Variants in EXOC4 observed in about 807,000 individuals in gnomAD.
The protein encoded by EXOC4 is SEC8-like 1.
EXOC4 carries 71 observed loss-of-function variants against 107.2 expected under a neutral mutation model. The ratio of observed to expected loss-of-function variants is 0.66; its 90% CI spans 0.55 to 0.81. The LOEUF is 0.81. Among genes scored for constraint, EXOC4 ranks in the 30% least tolerant of loss-of-function variants. The pLI, the probability that EXOC4 is intolerant of heterozygous loss-of-function variation, is 0.00. For synonymous variants in EXOC4, 456 were observed against 441.2 expected, an observed-to-expected ratio of 1.03 and a Z score of -0.42; for missense variants, 1,108 against 1,189.6, an observed-to-expected ratio of 0.93 and a Z score of 1.01.
chr7:133,832,403 A>T (rs757924829), intron 11 of EXOC4, among the ~76,000 whole-genome samples: 1 of 152,208 alleles, frequency 6.6e-6, no homozygotes, highest in Non-Finnish European at 1.5e-5. Context: ...TACCATGATG[A>T]TATCACACAG....
chr7:133,608,594 C>T (rs1802007174), intron 9 of EXOC4, among the ~76,000 whole-genome samples: 1 of 137,966 alleles, frequency 7.2e-6, no homozygotes, highest in African/African-American at 2.8e-5. Flanking sequence ...GCTCTGTTGC[C>T]AGGCAAGAGT....
At position 133,693,870 on chromosome 7, in the gene EXOC4, C is replaced by T. The variant is rs530574648; in HGVS notation, c.1514+63729C>T. Among the ~76,000 whole-genome samples the T allele has an allele frequency of 1.1e-4, 17 of 152,242 alleles. No homozygotes were observed. In the South Asian group the frequency reaches 3.5e-3, roughly 32 times the overall value. ...AAGAGATTATTTATGACATAAGCTT[C>T]AGTGGGTATGGCCAGGTTGTGTAGG... On this transcript the variant is annotated intron_variant, in intron 10 of 17. Transcript: ENST00000253861.
chr7:133,317,031 A>G (rs1228100178), intron 4 of EXOC4, among the ~76,000 whole-genome samples: 2 of 152,198 alleles, frequency 1.3e-5, no homozygotes, highest in South Asian at 2.1e-4. Flanking sequence ...TTTAAACAGC[A>G]TTGAATGAAA....
chr7:133,714,551 C>T (rs1041769229), intron 10 of EXOC4, among the ~76,000 whole-genome samples: 3 of 152,088 alleles, frequency 2.0e-5, no homozygotes, highest in African/African-American at 4.8e-5. Flanking sequence ...ACAATTGGCC[C>T]CCCATATTCC....
rs776629991 is a variant in EXOC4 at position 133,817,384 on chromosome 7, G to A, written c.1574G>A (p.Arg525Gln). The A allele has an allele frequency of 1.8e-5, 29 of 1,613,914 alleles. No individual in the cohort carries two copies. The highest frequency in any genetic ancestry group is 3.3e-5 in the South Asian group (3 of 91,056). The change falls in exon 11 of 18, where the codon CGA (arginine) becomes CAA (glutamine). Residue 525 changes from arginine to glutamine, a missense_variant. Arg to Gln is a conservative substitution (Grantham distance 43). Transcript: ENST00000253861. Reference protein sequence around the residue: ...GLGPAKQCPLREFLTVYIKNI... With the variant: ...GLGPAKQCPLQEFLTVYIKNI... ...GGCCCAGCCAAACAGTGTCCTCTTC[G>A]AGAGTTTCTCACCGTGTACATCAAA... is the stretch of plus-strand genomic sequence containing the variant.
chr7:133,397,291 A>T (rs1487605999), intron 7 of EXOC4, among the ~76,000 whole-genome samples: 4 of 142,826 alleles, frequency 2.8e-5, no homozygotes, highest in African/African-American at 5.2e-5. Context: ...ACCCAGCCAA[A>T]TTTTTTTTTT....
intron 9 of EXOC4, among the ~76,000 whole-genome samples, chr7:133,625,685 G>A (rs1257136886): frequency 6.6e-6 from 1 of 152,204 alleles, no homozygotes; most frequent in Non-Finnish European, 1.5e-5. Flanking sequence ...CAGTTATCAG[G>A]TGGCCTTGGT....
At chr7:133,608,616 CTT>C (rs1160642081) in intron 9 of EXOC4, among the ~76,000 whole-genome samples, 1 of 124,988 alleles carries the variant, frequency 8.0e-6, no homozygotes, top group African/African-American at 3.1e-5. Context: ...CAGTGGCAAT[CTT>C]GGCTTACTGC....
At chr7:133,810,981 C>T (rs1044921089) in intron 10 of EXOC4, among the ~76,000 whole-genome samples, 6 of 152,070 alleles carry the variant, frequency 3.9e-5, no homozygotes, top group Non-Finnish European at 7.4e-5. Context: ...GTTGCGTACT[C>T]GCATTTTTTG....
intron 10 of EXOC4, among the ~76,000 whole-genome samples, chr7:133,745,389 A>G (rs961070527): frequency 6.6e-6 from 1 of 152,264 alleles, no homozygotes; most frequent in East Asian, 1.9e-4. Flanking sequence ...GTCTAATTTT[A>G]TCTATAAAAT....
intron 11 of EXOC4, among the ~76,000 whole-genome samples, chr7:133,876,389 T>C (rs1342588113): frequency 6.6e-6 from 1 of 152,128 alleles, no homozygotes; most frequent in African/African-American, 2.4e-5. Flanking sequence ...TCTTTCTTCA[T>C]TGGAGGATGT....
At chr7:133,882,582 T>C (rs1273645710) in intron 11 of EXOC4, among the ~76,000 whole-genome samples, 1 of 152,186 alleles carries the variant, frequency 6.6e-6, no homozygotes, top group African/African-American at 2.4e-5. Context: ...TAGGTGTTTA[T>C]AACAGGAAGA....
chr7:133,821,501 A>G (rs1299674839), intron 11 of EXOC4, among the ~76,000 whole-genome samples: 1 of 152,172 alleles, frequency 6.6e-6, no homozygotes, highest in Non-Finnish European at 1.5e-5. Flanking sequence ...TAGCATTTTG[A>G]CATTGTCTGT....
At chr7:134,010,782 T>C (rs1164091197) in intron 17 of EXOC4, among the ~76,000 whole-genome samples, 1 of 152,250 alleles carries the variant, frequency 6.6e-6, no homozygotes, top group Non-Finnish European at 1.5e-5. Flanking sequence ...GCTTGTAGTT[T>C]TCTTACCTTC....
rs150087138 is a variant in EXOC4 at position 133,553,772 on chromosome 7, A to G, written c.1417+73634A>G. On this transcript the variant is annotated intron_variant, in intron 9 of 17. Coordinates refer to ENST00000253861, the MANE Select transcript of EXOC4 (RefSeq NM_021807.4). Reference sequence around the variant, plus strand: ...CGAATTTGATTTTCTGTTGTTCCCAACAAAGTGAGAGGTGATCCTAGGTTT... The same window carrying G: ...CGAATTTGATTTTCTGTTGTTCCCAGCAAAGTGAGAGGTGATCCTAGGTTT... Among the ~76,000 whole-genome samples, 403 of 152,236 alleles carry G rather than the reference A, an allele frequency of 2.6e-3. 1 individual carries two copies. The highest frequency in any genetic ancestry group is 9.4e-3 in the African/African-American group (391 of 41,530).
intron 11 of EXOC4, among the ~76,000 whole-genome samples, chr7:133,869,331 T>C (rs189281228): frequency 1.3e-5 from 2 of 152,144 alleles, no homozygotes; most frequent in African/African-American, 4.8e-5. Flanking sequence ...AGGACCAGCC[T>C]GGGGGCAGCT....
At chr7:133,969,045 A>T (rs1038269230) in intron 14 of EXOC4, among the ~76,000 whole-genome samples, 1 of 151,246 alleles carries the variant, frequency 6.6e-6, no homozygotes, top group Admixed American at 6.6e-5. Flanking sequence ...GTTCCTTTTC[A>T]TTTTTTTTCT....
Position 133,424,418 on chromosome 7 carries a change from C to T in EXOC4, c.1182+49416C>T, listed in dbSNP as rs1004473924. 2.7e-4 allele frequency among the ~76,000 whole-genome samples: 41 copies of T among 151,944 alleles called. 1 individual carries two copies. Among genetic ancestry groups the T allele is most frequent in the African/African-American group, 8.7e-4 (36 of 41,344 alleles). Reference sequence around the variant, plus strand: ...GTCTGCAGCCTCACTCTGAAGTCAGCGAGACCACGAACCCACCAAGAAACT... The same window carrying T: ...GTCTGCAGCCTCACTCTGAAGTCAGTGAGACCACGAACCCACCAAGAAACT... On this transcript the variant is annotated intron_variant, in intron 7 of 17. Coordinates refer to ENST00000253861, the MANE Select transcript of EXOC4 (RefSeq NM_021807.4).
At chr7:133,959,927 T>G (rs964384047) in intron 14 of EXOC4, among the ~76,000 whole-genome samples, 19 of 152,148 alleles carry the variant, frequency 1.2e-4, no homozygotes, top group African/African-American at 4.3e-4. Context: ...CTCAGAAAAC[T>G]TATCTTCCAT....
Sources: allele counts gnomAD v4.1 joint callset (sites outside exome capture counted in the v4.1 genomes callset), GRCh38; gene constraint gnomAD v4.1.1; transcripts MANE v1.5; gene names NCBI Gene and HGNC (gene_info 2026-07-23, HGNC 2026-07-21).